The following PCDH9 variants were observed in gnomAD, a reference collection of about 807,000 sequenced individuals.
The protein encoded by PCDH9 is protocadherin-9.
In PCDH9, 24 loss-of-function variants were observed where a neutral mutation model predicts 70.6. The ratio of observed to expected loss-of-function variants is 0.34; its 90% CI spans 0.25 to 0.48. The LOEUF (loss-of-function observed/expected upper bound fraction) is 0.48, where lower values mean the gene tolerates loss of function less well. Among genes scored for constraint, PCDH9 ranks in the 20% least tolerant of loss-of-function variants. PCDH9 has a pLI of 0.99. For synonymous variants in PCDH9, 562 were observed against 558.5 expected (o/e 1.01, Z -0.09); for missense variants, 1,281 against 1,503.6 (o/e 0.85, Z 2.45).
In PCDH9 at chr13:67,225,642, A is replaced by G. The variant is rs1217730365; in HGVS notation, c.2799T>C (p.Pro933=). The change falls in exon 2 of 5, where the codon CCT becomes CCC. Residue 933 remains proline, a synonymous_variant. Transcript: ENST00000377865. ...CAGATTTGTAGTGCTTGGCCAGGTC[A>G]GGACTGTTAGGCTTGAATGTTGTTG... is the stretch of plus-strand genomic sequence containing the variant. ...APPTTFKPNS[P]DLAKHYKSAS... 1 of 1,614,200 alleles carries G rather than the reference A, an allele frequency of 6.2e-7. No individual in the cohort carries two copies. Among genetic ancestry groups the G allele is most frequent in the Non-Finnish European group, 8.5e-7 (1 of 1,180,026 alleles).
At chr13:66,755,703 G>A (rs1268213166) in intron 3 of PCDH9, among the ~76,000 whole-genome samples, 1 of 151,928 alleles carries the variant, frequency 6.6e-6, no homozygotes, top group Non-Finnish European at 1.5e-5. Flanking sequence ...AAATGGGGTG[G>A]GGAAATCTCA....
chr13:66,486,453 TCC>T (rs57541992), intron 4 of PCDH9, among the ~76,000 whole-genome samples: 110 of 150,226 alleles, frequency 7.3e-4, no homozygotes, highest in African/African-American at 2.6e-3. Flanking sequence ...CTAGACCCTG[TCC>T]CCCCCCCACA....
intron 2 of PCDH9, among the ~76,000 whole-genome samples, chr13:67,145,951 TTAA>T: frequency 6.6e-6 from 1 of 152,208 alleles, no homozygotes; most frequent in Middle Eastern, 3.4e-3. Flanking sequence ...TTATAGGGTC[TTAA>T]TATCTATAAT....
chr13:66,914,084 C>T (rs1594252260), intron 2 of PCDH9, among the ~76,000 whole-genome samples: 1 of 151,892 alleles, frequency 6.6e-6, no homozygotes, highest in Non-Finnish European at 1.5e-5. Flanking sequence ...AAGCCTAAAA[C>T]CTAACTAACT....
intron 3 of PCDH9, among the ~76,000 whole-genome samples, chr13:66,684,414 C>A (rs1372424226): frequency 2.0e-5 from 3 of 152,156 alleles, no homozygotes; most frequent in African/African-American, 4.8e-5. Flanking sequence ...CAAATCTCAT[C>A]TTGTAGTTCC....
intron 2 of PCDH9, among the ~76,000 whole-genome samples, chr13:67,100,180 A>C (rs1037079790): frequency 6.6e-6 from 1 of 152,222 alleles, no homozygotes; most frequent in Non-Finnish European, 1.5e-5. Flanking sequence ...CAGCTGACCC[A>C]TAACATATTA....
intron 4 of PCDH9, among the ~76,000 whole-genome samples, chr13:66,394,073 T>G (rs1566292326): frequency 6.6e-6 from 1 of 152,178 alleles, no homozygotes; most frequent in Non-Finnish European, 1.5e-5. Flanking sequence ...GGAAGGTGAC[T>G]TAGTGGGCTG....
intron 2 of PCDH9, among the ~76,000 whole-genome samples, chr13:67,138,645 G>A (rs1376193714): frequency 2.0e-5 from 3 of 152,056 alleles, no homozygotes; most frequent in Non-Finnish European, 2.9e-5. Flanking sequence ...TTCTGTAATG[G>A]GGCCTTTTGA....
At chr13:66,436,453 T>C (rs1957869076) in intron 4 of PCDH9, among the ~76,000 whole-genome samples, 1 of 152,190 alleles carries the variant, frequency 6.6e-6, no homozygotes, top group African/African-American at 2.4e-5. Flanking sequence ...AAGCACCAAA[T>C]GGACGGATCC....
chr13:66,475,348 C>A (rs1018675837), intron 4 of PCDH9, among the ~76,000 whole-genome samples: 1 of 152,052 alleles, frequency 6.6e-6, no homozygotes, highest in Non-Finnish European at 1.5e-5. Context: ...GATAGCTTTG[C>A]AGAAAATGTG....
At chr13:66,917,648 C>G (rs1330063110) in intron 2 of PCDH9, among the ~76,000 whole-genome samples, 1 of 151,302 alleles carries the variant, frequency 6.6e-6, no homozygotes, top group Non-Finnish European at 1.5e-5. Context: ...ACAAATAGAA[C>G]ATACGCAAGA....
At chr13:66,746,328 ACT>A (rs367967912) in intron 3 of PCDH9, among the ~76,000 whole-genome samples, 6 of 152,106 alleles carry the variant, frequency 3.9e-5, no homozygotes, top group South Asian at 2.1e-4. Context: ...AATTATAAAA[ACT>A]CTCTCAATAT....
intron 3 of PCDH9, among the ~76,000 whole-genome samples, chr13:66,859,449 G>T (rs2081446150): frequency 6.6e-6 from 1 of 152,098 alleles, no homozygotes; most frequent in South Asian, 2.1e-4. Flanking sequence ...AGGTTAGGTT[G>T]ATTAATTGTA....
chr13:66,993,241 T>C (rs1160487271), intron 2 of PCDH9, among the ~76,000 whole-genome samples: 2 of 152,174 alleles, frequency 1.3e-5, no homozygotes, highest in African/African-American at 2.4e-5. Context: ...AATGAACATA[T>C]ATTAAATTTA....
chr13:66,842,429 C>T (rs1322749834), intron 3 of PCDH9, among the ~76,000 whole-genome samples: 1 of 152,064 alleles, frequency 6.6e-6, no homozygotes. Context: ...ATTCTTGGCC[C>T]CTCTTCCTCT....
intron 1 of PCDH9, among the ~76,000 whole-genome samples, chr13:67,229,117 G>A (rs967722513): frequency 6.6e-6 from 1 of 152,222 alleles, no homozygotes; most frequent in Non-Finnish European, 1.5e-5. Context: ...ATCCGGACAT[G>A]CCGCTGCAGC....
chr13:66,629,931 A>G (rs2077547620), intron 4 of PCDH9, among the ~76,000 whole-genome samples: 1 of 152,188 alleles, frequency 6.6e-6, no homozygotes, highest in Non-Finnish European at 1.5e-5. Flanking sequence ...CCAGTGCTGT[A>G]TTACTATCAC....
chr13:66,374,006 C>T (rs1315195798), intron 4 of PCDH9, among the ~76,000 whole-genome samples: 1 of 152,094 alleles, frequency 6.6e-6, no homozygotes, highest in Non-Finnish European at 1.5e-5. Context: ...CATCTGCCGA[C>T]CTCCTTGATG....
chr13:66,664,121 C>T (rs2078059786), intron 3 of PCDH9, among the ~76,000 whole-genome samples: 1 of 152,210 alleles, frequency 6.6e-6, no homozygotes, highest in African/African-American at 2.4e-5. Context: ...AATTGGCCTA[C>T]AGTAATTTCC....
Sources: gnomAD v4.1 joint callset for allele counts (sites outside exome capture counted in the v4.1 genomes callset) on GRCh38, gnomAD v4.1.1 for gene constraint, MANE v1.5 for transcripts, NCBI Gene and HGNC (gene_info 2026-07-23, HGNC 2026-07-21) for gene names.